Variants in KCTD13 observed in about 807,000 individuals in gnomAD.
KCTD13 encodes the protein BTB/POZ domain-containing adapter for CUL3-mediated RhoA degradation protein 1.
In KCTD13, 15 loss-of-function variants were observed where a neutral mutation model predicts 32.3. The ratio of observed to expected loss-of-function variants is 0.46; its 90% CI spans 0.31 to 0.71. KCTD13 has a LOEUF of 0.71. Among genes scored for constraint, KCTD13 ranks in the 30% least tolerant of loss-of-function variants. KCTD13 has a pLI of 0.05. For missense variants in KCTD13, 337 were observed against 452.6 expected (o/e 0.74, Z 2.32); for synonymous variants, 189 against 200.1 (o/e 0.94, Z 0.47).
intron 4 of KCTD13, 21 bp from the exon 5 acceptor site, chr16:29,911,194 A>G (rs764002519): frequency 6.2e-7 from 1 of 1,606,818 alleles, no homozygotes; most frequent in East Asian, 2.2e-5. Flanking sequence ...GGGGACCAGG[A>G]GGCCTCAGCG....
At chr16:29,912,270 C>G in intron 2 of KCTD13, 2 of 580,196 alleles carry the variant, frequency 3.4e-6, no homozygotes, top group Middle Eastern at 4.4e-4. Context: ...CTTGTGCCTG[C>G]CCCGGCCACT....
Position 29,906,827 on chromosome 16 carries a change from G to C in KCTD13, c.*45C>G. ...CTGGGAAGGGGAGGGAAAGAGAGAG[G>C]GACTGGGTCCCAAGGCAAGAGGAAG... On this transcript the variant is annotated 3_prime_UTR_variant, in exon 6 of 6. Transcript: ENST00000568000. 4 of 1,547,364 alleles carry C rather than the reference G, an allele frequency of 2.6e-6. No homozygotes were observed. The highest frequency in any genetic ancestry group is 1.4e-5 in the African/African-American group (1 of 73,722).
intron 1 of KCTD13, 131 bp downstream of exon 1, chr16:29,925,659 G>A: frequency 1.2e-6 from 1 of 838,278 alleles, no homozygotes; most frequent in Non-Finnish European, 1.9e-6. Context: ...GGGGCTGGAG[G>A]GAGCTGAGAA....
intron 5 of KCTD13, 150 bp downstream of exon 5, chr16:29,910,828 G>C: frequency 1.5e-6 from 1 of 647,384 alleles, no homozygotes; most frequent in Non-Finnish European, 2.7e-6. Flanking sequence ...ACAGGGATAG[G>C]GTGGCTTGCC....
intron 4 of KCTD13, 58 bp from the exon 5 acceptor site, chr16:29,911,231 C>A: frequency 7.3e-7 from 1 of 1,367,530 alleles, no homozygotes; most frequent in African/African-American, 1.4e-5. Flanking sequence ...CTCTGTACCC[C>A]CAGAAGACGG....
At chr16:29,925,643 G>C (rs1329966408) in intron 1 of KCTD13, 147 bp downstream of exon 1, 1 of 719,822 alleles carries the variant, frequency 1.4e-6, no homozygotes. Context: ...GAGGAGATGG[G>C]ATGTGGGGGC....
rs376560193 is a variant in KCTD13, at chr16:29,911,865, G to A, written c.507C>T (p.Pro169=). 14 of 1,612,046 alleles carry A rather than the reference G, an allele frequency of 8.7e-6. No homozygotes were observed. Among genetic ancestry groups the A allele is most frequent in the African/African-American group, 6.7e-5 (5 of 74,830 alleles). ...TGCGGTTGTGCAGGAGCTTCACCACGGGCTGGCGGGGGAGAGAGGATGGAC... is the reference window on the plus strand; with the variant it reads ...TGCGGTTGTGCAGGAGCTTCACCACAGGCTGGCGGGGGAGAGAGGATGGAC... ...EQQLLASTSK[P]VVKLLHNRSN... is the part of the protein sequence containing the mutation. The change falls in exon 4 of 6, where the codon CCC becomes CCT. Residue 169 remains proline, a splice_region_variant and synonymous_variant. Coordinates refer to ENST00000568000, the MANE Select transcript of KCTD13 (RefSeq NM_178863.5).
chr16:29,908,094 G>A (rs935414813), intron 5 of KCTD13, among the ~76,000 whole-genome samples: 1 of 152,134 alleles, frequency 6.6e-6, no homozygotes, highest in South Asian at 2.1e-4. Flanking sequence ...AAGGACTCCA[G>A]GGAAGGCCTC....
At chr16:29,924,406 T>C (rs2068962866) in intron 1 of KCTD13, among the ~76,000 whole-genome samples, 1 of 152,178 alleles carries the variant, frequency 6.6e-6, no homozygotes, top group Non-Finnish European at 1.5e-5. Flanking sequence ...AATTACCTTA[T>C]CAATAAACTG....
At position 29,906,831 on chromosome 16, in the gene KCTD13, T is replaced by C. The variant is rs1482195369; in HGVS notation, c.*41A>G. ...GAAGGGGAGGGAAAGAGAGAGGGACTGGGTCCCAAGGCAAGAGGAAGGCAG... is the reference window on the plus strand; with the variant it reads ...GAAGGGGAGGGAAAGAGAGAGGGACCGGGTCCCAAGGCAAGAGGAAGGCAG... On this transcript the variant is annotated 3_prime_UTR_variant, in exon 6 of 6. Transcript: ENST00000568000. 6.4e-7 allele frequency: 1 copy of C among 1,556,222 alleles called. No homozygotes were observed.
At chr16:29,918,835 T>A (rs920961176) in intron 2 of KCTD13, among the ~76,000 whole-genome samples, 32 of 152,064 alleles carry the variant, frequency 2.1e-4, no homozygotes, top group African/African-American at 6.5e-4. Flanking sequence ...TTTTTTTGTA[T>A]TTTTAGTAGA....
chr16:29,925,573 T>G, intron 1 of KCTD13: 3 of 569,506 alleles, frequency 5.3e-6, no homozygotes, highest in East Asian at 3.1e-5. Flanking sequence ...CCGTAAGTGT[T>G]GGTTATTGCT....
chr16:29,906,439 C>T lies in KCTD13; in HGVS notation c.*433G>A. 1 of 455,964 alleles carries T rather than the reference C, an allele frequency of 2.2e-6. No homozygotes were observed. The highest frequency in any genetic ancestry group is 4.4e-6 in the Non-Finnish European group (1 of 227,884). The allele number at this position is 455,964 out of a possible 1,614,324, so 28.2% of individuals were successfully genotyped here. ...CTGAGCTGGGCAGGCCCAGGCCAGT[C>T]TAGTACAAAGTTAAGGAGGTAGGGA... On this transcript the variant is annotated 3_prime_UTR_variant, in exon 6 of 6. Coordinates refer to ENST00000568000, the MANE Select transcript of KCTD13 (RefSeq NM_178863.5).
At chr16:29,911,578 A>C (rs1330134526) in intron 4 of KCTD13, 1 of 595,080 alleles carries the variant, frequency 1.7e-6, no homozygotes, top group East Asian at 2.8e-5. Flanking sequence ...AGCACTTGGG[A>C]TAGGCTCGCC....
At position 29,911,036 on chromosome 16, in the gene KCTD13, T is replaced by C; in HGVS notation, c.695A>G (p.Lys232Arg). 1 of 1,614,198 alleles carries C rather than the reference T, an allele frequency of 6.2e-7. No homozygotes were observed. Among genetic ancestry groups the C allele is most frequent in the Non-Finnish European group, 8.5e-7 (1 of 1,180,028 alleles). ...CCWSFYGQGR[K>R]IAEVCCTSIV... is the part of the protein sequence containing the mutation. ...GGAGGTGCAGCACACCTCGGCGATT[T>C]TGCGGCCCTGCCCGTAGAAAGACCA... Residue 232 changes from lysine to arginine, a missense_variant, in exon 5 of 6, where the codon AAA becomes AGA. Coordinates refer to ENST00000568000, the MANE Select transcript of KCTD13 (RefSeq NM_178863.5).
At position 29,906,940 on chromosome 16, in the gene KCTD13, T is replaced by C; in HGVS notation, c.922A>G (p.Ile308Val). ...TGGGTGATATGGCGCCGGACATGGA[T>C]CCTGCGGACACGGTGCTCTCGGTTC... ...EENREHRVRR[I>V]HVRRHITHDE... Residue 308 changes from isoleucine to valine, a missense_variant, in exon 6 of 6, where the codon ATC becomes GTC. By Grantham distance (29) the Ile-to-Val change is conservative. Transcript: ENST00000568000. 6.2e-7 allele frequency: 1 copy of C among 1,614,104 alleles called. No homozygotes were observed. Among genetic ancestry groups the C allele is most frequent in the Non-Finnish European group, 8.5e-7 (1 of 1,180,016 alleles).
intron 2 of KCTD13, among the ~76,000 whole-genome samples, chr16:29,917,036 A>G (rs903013555): frequency 3.3e-5 from 5 of 152,238 alleles, no homozygotes; most frequent in Admixed American, 2.0e-4. Context: ...AATGTCTTTT[A>G]TGACCTAGCT....
chr16:29,925,544 C>T, intron 1 of KCTD13: 1 of 568,176 alleles, frequency 1.8e-6, no homozygotes, highest in Admixed American at 3.1e-5. Flanking sequence ...CTTACCACAG[C>T]GCCTGGCAGT....
chr16:29,912,218 G>T, intron 2 of KCTD13, 169 bp from the exon 3 acceptor site: 1 of 647,164 alleles, frequency 1.5e-6, no homozygotes, highest in South Asian at 1.8e-5. Flanking sequence ...TTTGCTTGCT[G>T]GGCCTTGGTC....
Sources: allele counts gnomAD v4.1 joint callset (sites outside exome capture counted in the v4.1 genomes callset), GRCh38; gene constraint gnomAD v4.1.1; transcripts MANE v1.5; gene names NCBI Gene and HGNC (gene_info 2026-07-23, HGNC 2026-07-21).